ATAD3C: variants seen among roughly 807,000 people sequenced by gnomAD.
The protein encoded by ATAD3C is ATPase family AAA domain-containing protein 3C.
ATAD3C carries 38 observed loss-of-function variants against 46.3 expected under a neutral mutation model. The ratio of observed to expected loss-of-function variants is 0.82; its 90% CI spans 0.63 to 1.08. The LOEUF is 1.08. ATAD3C is among the 50% of genes least tolerant of loss of function. The pLI is 0.00. For missense variants in ATAD3C, 563 were observed against 572.7 expected (o/e 0.98, Z 0.17); for synonymous variants, 220 against 236.4 (o/e 0.93, Z 0.63).
At chr1:1,464,358 G>T (rs1386530258) in intron 11 of ATAD3C, among the ~76,000 whole-genome samples, 1 of 151,914 alleles carries the variant, frequency 6.6e-6, no homozygotes, top group Non-Finnish European at 1.5e-5. Context: ...GGGTCCTCAT[G>T]TGGCAGAGAG....
At position 1,462,156 on chromosome 1, in the gene ATAD3C, T is replaced by C. The variant is rs1265985110; in HGVS notation, c.981-444T>C. On this transcript the variant is annotated intron_variant, in intron 10 of 11. Coordinates refer to ENST00000378785, the MANE Select transcript of ATAD3C (RefSeq NM_001039211.3). The surrounding 1 kb of genome is among the most constrained non-coding windows in gnomAD (Gnocchi z 4.5). Reference sequence around the variant, plus strand: ...GGTTCTCCCCTGCCGACCCCTCCACTGCCGCCTGCTCCATGCTAGACCAGC... The same window carrying C: ...GGTTCTCCCCTGCCGACCCCTCCACCGCCGCCTGCTCCATGCTAGACCAGC... Among the ~76,000 whole-genome samples, 1 of 152,062 alleles carries C rather than the reference T, an allele frequency of 6.6e-6. No individual in the cohort carries two copies. Among genetic ancestry groups the C allele is most frequent in the Non-Finnish European group, 1.5e-5 (1 of 67,978 alleles).
chr1:1,452,323 G>A, intron 2 of ATAD3C, 42 bp from the exon 3 acceptor site: 1 of 1,613,386 alleles, frequency 6.2e-7, no homozygotes, highest in Non-Finnish European at 8.5e-7. Flanking sequence ...CGTGGCGTGG[G>A]TCTTTGTTTC....
At chr1:1,453,328 G>A (rs182181900) in intron 3 of ATAD3C, among the ~76,000 whole-genome samples, 3 of 151,618 alleles carry the variant, frequency 2.0e-5, no homozygotes, top group African/African-American at 7.3e-5. Flanking sequence ...TCAGCCTCTC[G>A]TGTTGCCAGG....
intron 11 of ATAD3C, among the ~76,000 whole-genome samples, chr1:1,466,108 G>A (rs1170825442): frequency 6.6e-6 from 1 of 151,760 alleles, no homozygotes; most frequent in African/African-American, 2.4e-5. Flanking sequence ...TGGGCGTGGT[G>A]GTGCATACCC....
chr1:1,451,590 C>T (rs1638859769), intron 1 of ATAD3C, among the ~76,000 whole-genome samples: 1 of 152,064 alleles, frequency 6.6e-6, no homozygotes, highest in African/African-American at 2.4e-5. Context: ...CAAGTGATCA[C>T]CTGCGTCGGC....
chr1:1,453,181 C>T (rs1356502923), intron 3 of ATAD3C, among the ~76,000 whole-genome samples: 1 of 152,078 alleles, frequency 6.6e-6, no homozygotes, highest in Non-Finnish European at 1.5e-5. Context: ...GAGGACATGA[C>T]AGAGCTGCTT....
At position 1,468,527 on chromosome 1, in the gene ATAD3C, C is replaced by T; in HGVS notation, c.1233C>T (p.Ser411=). Residue 411 remains serine, a synonymous_variant, in exon 12 of 12, where the codon TCC becomes TCT. Transcript: ENST00000378785. The part of the protein sequence containing the change: ...RPGPEDEQPS[S] Reference sequence around the variant, plus strand: ...GGCCCGAGGACGAGCAACCCTCATCCTGAGTCCATGGGGAGACCACACCTC... The same window carrying T: ...GGCCCGAGGACGAGCAACCCTCATCTTGAGTCCATGGGGAGACCACACCTC... The T allele has an allele frequency of 1.9e-6, 3 of 1,605,898 alleles. No individual in the cohort carries two copies. Among genetic ancestry groups the T allele is most frequent in the Non-Finnish European group, 2.6e-6 (3 of 1,176,310 alleles).
chr1:1,468,791 G>A lies in ATAD3C; in HGVS notation c.*261G>A, dbSNP rs1010132229. ...GGGCTTCACAGGAGGTGGCTGCCAC[G>A]GCGGGGCCGGGTGCCCGTGCCCCAT... On this transcript the variant is annotated 3_prime_UTR_variant, in exon 12 of 12. Coordinates refer to ENST00000378785, the MANE Select transcript of ATAD3C (RefSeq NM_001039211.3). The A allele has an allele frequency of 2.0e-5, 12 of 598,968 alleles. No homozygotes were observed. The highest frequency in any genetic ancestry group is 5.7e-5 in the African/African-American group (3 of 52,266). 37.1% of individuals were successfully genotyped at this position (598,968 alleles called of 1,614,324 possible). A position where few individuals can be genotyped will look rare whatever the true frequency, so the allele number is the denominator to read the frequency against.
At position 1,460,761 on chromosome 1, in the gene ATAD3C, T is replaced by C. The variant is rs750091884; in HGVS notation, c.824T>C (p.Ile275Thr). The C allele has an allele frequency of 6.2e-7, 1 of 1,607,878 alleles. No homozygotes were observed. The highest frequency in any genetic ancestry group is 1.1e-5 in the South Asian group (1 of 89,958). Residue 275 changes from isoleucine to threonine, a missense_variant, in exon 10 of 12, where the codon ATC becomes ACC. Around this residue, in one of 3 missense-constraint regions of ATAD3C, gnomAD observed 273 missense variants for 253.5 expected, o/e 1.08. Coordinates refer to ENST00000378785, the MANE Select transcript of ATAD3C (RefSeq NM_001039211.3). ...TGQHSNKFMLILASCHPEQFD... is the reference protein window; with the variant it reads ...TGQHSNKFMLTLASCHPEQFD... ...TCCCCGCCCCGCAGATTCATGCTGA[T>C]CCTGGCCAGCTGCCACCCCGAGCAG...
intron 7 of ATAD3C, 103 bp from the exon 8 acceptor site, chr1:1,457,026 C>G: frequency 6.6e-7 from 1 of 1,507,818 alleles, no homozygotes; most frequent in South Asian, 1.1e-5. Context: ...AGCCTGACCC[C>G]GTGGGGATCT....
In ATAD3C at chr1:1,462,791, C is replaced by A; in HGVS notation, c.1089+83C>A. ...TGGTTGCGCCAGGCCTGTCCCAGCA[C>A]CGGTGTCACGTGGGAGCTTCTGTTG... On this transcript the variant is annotated intron_variant, in intron 11 of 11. Coordinates refer to ENST00000378785, the MANE Select transcript of ATAD3C (RefSeq NM_001039211.3). This position sits in a 1 kb window ranked among gnomAD's most constrained non-coding sequence, Gnocchi z 4.5. 2 of 1,454,546 alleles carry A rather than the reference C, an allele frequency of 1.4e-6. No individual in the cohort carries two copies. Among genetic ancestry groups the A allele is most frequent in the Non-Finnish European group, 1.9e-6 (2 of 1,066,938 alleles). 90.1% of individuals were successfully genotyped at this position (1,454,546 alleles called of 1,614,324 possible).
chr1:1,462,404 C>T lies in ATAD3C; in HGVS notation c.981-196C>T. The T allele has an allele frequency of 1.8e-6, 1 of 557,068 alleles. No individual in the cohort carries two copies. Among genetic ancestry groups the T allele is most frequent in the Non-Finnish European group, 3.2e-6 (1 of 309,440 alleles). 34.5% of individuals were successfully genotyped at this position (557,068 alleles called of 1,614,324 possible). On this transcript the variant is annotated intron_variant, in intron 10 of 11. Transcript: ENST00000378785. The surrounding 1 kb of genome is among the most constrained non-coding windows in gnomAD (Gnocchi z 4.5). ...AAGGGGTGCGGCCATCTCCAGGCCC[C>T]ACAGCCGCCCCCTTCCTGCTCAGCC...
chr1:1,468,704 G>A lies in ATAD3C; in HGVS notation c.*174G>A. ...TTGGGGCCCCCTAACGTCCCCCTGG[G>A]GTCAAAGGTGACAGAAAAGGCAGAA... On this transcript the variant is annotated 3_prime_UTR_variant, in exon 12 of 12. Coordinates refer to ENST00000378785, the MANE Select transcript of ATAD3C (RefSeq NM_001039211.3). The A allele has an allele frequency of 8.5e-7, 1 of 1,182,026 alleles. No homozygotes were observed. Among genetic ancestry groups the A allele is most frequent in the Non-Finnish European group, 1.2e-6 (1 of 840,324 alleles). 73.2% of individuals were successfully genotyped at this position (1,182,026 alleles called of 1,614,324 possible).
intron 8 of ATAD3C, among the ~76,000 whole-genome samples, chr1:1,457,970 C>A (rs1026736623): frequency 1.3e-5 from 2 of 151,498 alleles, no homozygotes; most frequent in African/African-American, 4.9e-5. Context: ...GCCACTGCAC[C>A]CGGTCTATTT....
chr1:1,461,493 T>C (rs1374288465), intron 10 of ATAD3C, among the ~76,000 whole-genome samples: 1 of 148,958 alleles, frequency 6.7e-6, no homozygotes, highest in Non-Finnish European at 1.5e-5. Flanking sequence ...CGGCCTCTTT[T>C]ACGTTCCTCT....
intron 3 of ATAD3C, among the ~76,000 whole-genome samples, chr1:1,453,917 A>G (rs1051846377): frequency 9.9e-5 from 15 of 152,032 alleles, no homozygotes; most frequent in African/African-American, 3.6e-4. Context: ...CTGGGATTAC[A>G]GACCTGAGCT....
chr1:1,452,823 AG>A (rs1638885912), intron 3 of ATAD3C, among the ~76,000 whole-genome samples: 2 of 131,532 alleles, frequency 1.5e-5, no homozygotes, highest in African/African-American at 6.5e-5. Flanking sequence ...AAAGAAAGAA[AG>A]AAAGAAAAAA....
At chr1:1,465,681 G>A (rs1639133329) in intron 11 of ATAD3C, among the ~76,000 whole-genome samples, 1 of 150,158 alleles carries the variant, frequency 6.7e-6, no homozygotes, top group African/African-American at 2.4e-5. Context: ...CTGTAACTTT[G>A]CTGATGTCAC....
At chr1:1,461,499 C>T (rs1355404603) in intron 10 of ATAD3C, among the ~76,000 whole-genome samples, 1 of 151,964 alleles carries the variant, frequency 6.6e-6, no homozygotes, top group Non-Finnish European at 1.5e-5. Flanking sequence ...CTTTTACGTT[C>T]CTCTTCACTA....
Sources: gnomAD v4.1 joint callset for allele counts (sites outside exome capture counted in the v4.1 genomes callset) on GRCh38, gnomAD v4.1.1 for gene constraint, gnomAD v4.1.1 regional missense constraint, Gnocchi (gnomAD v3.1) non-coding constraint, MANE v1.5 for transcripts, NCBI Gene and HGNC (gene_info 2026-07-23, HGNC 2026-07-21) for gene names.